Variants in PSD2 observed in about 807,000 individuals in gnomAD.
PSD2 encodes the protein PH and SEC7 domain-containing protein 2.
A neutral mutation model predicts 69.8 loss-of-function variants in PSD2; 38 were observed. The ratio of observed to expected loss-of-function variants is 0.54; its 90% confidence interval spans 0.42 to 0.71. The LOEUF (loss-of-function observed/expected upper bound fraction) is 0.71, where lower values mean the gene tolerates loss of function less well. PSD2 is among the 30% of genes least tolerant of loss of function. The pLI, the probability that PSD2 is intolerant of heterozygous loss-of-function variation, is 0.00. For missense variants in PSD2, 943 were observed against 1,014.5 expected (o/e 0.93, Z 0.96); for synonymous variants, 412 against 423.0 (o/e 0.97, Z 0.32).
intron 5 of PSD2, among the ~76,000 whole-genome samples, chr5:139,819,113 A>G (rs1424181606): frequency 6.6e-6 from 1 of 152,146 alleles, no homozygotes; most frequent in Non-Finnish European, 1.5e-5. Flanking sequence ...AAAAAATTGG[A>G]TGCTGTATAC....
At chr5:139,827,542 AAAAG>A (rs1313068158) in intron 7 of PSD2, among the ~76,000 whole-genome samples, 1 of 152,216 alleles carries the variant, frequency 6.6e-6, no homozygotes, top group Admixed American at 6.5e-5. Context: ...AACTGGATAA[AAAAG>A]AAAGAGAGGA....
At chr5:139,816,388 G>A (rs115310489) in intron 4 of PSD2, among the ~76,000 whole-genome samples, 1 of 152,122 alleles carries the variant, frequency 6.6e-6, no homozygotes, top group Non-Finnish European at 1.5e-5. Flanking sequence ...ATTGCACTTG[G>A]CCGATTGGTC....
At chr5:139,813,159 T>C (rs779866378) in intron 2 of PSD2, 150 bp from the exon 3 acceptor site, 34 of 620,176 alleles carry the variant, frequency 5.5e-5, no homozygotes, top group Non-Finnish European at 8.1e-5. Flanking sequence ...TGGCACCTTG[T>C]GCTCAGTTAG....
At chr5:139,817,902 C>T (rs954173497) in intron 5 of PSD2, among the ~76,000 whole-genome samples, 3 of 152,190 alleles carry the variant, frequency 2.0e-5, no homozygotes, top group Admixed American at 2.0e-4. Flanking sequence ...AAGGTAGGCA[C>T]TATCATTCCT....
intron 14 of PSD2, 52 bp downstream of exon 14, chr5:139,840,222 TC>T: frequency 6.3e-7 from 1 of 1,599,806 alleles, no homozygotes; most frequent in East Asian, 2.2e-5. Flanking sequence ...TCTTTCTCCT[TC>T]CTGCCTGGCC....
the PSD2 span, among the ~76,000 whole-genome samples, chr5:139,768,772 T>TA: frequency 7.7e-6 from 1 of 130,106 alleles, no homozygotes. Context: ...TGGATGGGAG[T>TA]AAAAAAGTGA....
At position 139,821,907 on chromosome 5, in the gene PSD2, C is replaced by G; in HGVS notation, c.1112C>G (p.Ala371Gly). The change falls in exon 6 of 15, where the codon GCC (alanine) becomes GGC (glycine). Residue 371 changes from alanine to glycine, a missense_variant. This residue lies in a region of PSD2 where 312 missense variants were observed against 400.7 expected (regional missense o/e 0.78). Transcript: ENST00000274710. ...LDGALRTFLK[A>G]FPLMGETQER... is the part of the protein sequence containing the mutation. The stretch of plus-strand genomic sequence containing the variant: ...TTGCCTTCCAGAACATTCTTGAAGG[C>G]CTTCCCGCTGATGGGGGAGACACAA... 1 of 1,606,382 alleles carries G rather than the reference C, an allele frequency of 6.2e-7. No individual in the cohort carries two copies. Among genetic ancestry groups the G allele is most frequent in the Non-Finnish European group, 8.5e-7 (1 of 1,175,540 alleles).
chr5:139,830,051 C>T (rs564119792), intron 7 of PSD2, among the ~76,000 whole-genome samples: 3 of 144,856 alleles, frequency 2.1e-5, no homozygotes, highest in Admixed American at 1.4e-4. Flanking sequence ...GTAGTGTGAT[C>T]TGGTATGTGT....
In PSD2 at chr5:139,837,055, C is replaced by T. The variant is rs1382000593; in HGVS notation, c.1594+54C>T. On this transcript the variant is annotated intron_variant, in intron 10 of 14. Transcript: ENST00000274710. This position sits in a 1 kb window ranked among gnomAD's most constrained non-coding sequence, Gnocchi z 5.0. ...GGAGGGAGGCTGGCACAGAGGGGGG[C>T]GCCACGGGCCACTCTTTGGGGACGA... The T allele has an allele frequency of 2.6e-5, 42 of 1,591,512 alleles. No individual in the cohort carries two copies. Among genetic ancestry groups the T allele is most frequent in the East Asian group, 6.7e-5 (3 of 44,602 alleles).
At chr5:139,754,083 G>A in the PSD2 span, among the ~76,000 whole-genome samples, 7 of 151,914 alleles carry the variant, frequency 4.6e-5, no homozygotes, top group African/African-American at 9.7e-5. Flanking sequence ...TGATCCACCC[G>A]TCTTGGCCTC....
intron 7 of PSD2, among the ~76,000 whole-genome samples, chr5:139,831,581 T>G (rs989601035): frequency 6.6e-6 from 1 of 152,216 alleles, no homozygotes; most frequent in African/African-American, 2.4e-5. Context: ...CAATTTGCAT[T>G]CTTGACTTAT....
Position 139,837,024 on chromosome 5 carries a change from G to T in PSD2, c.1594+23G>T, listed in dbSNP as rs375386215. 7 of 1,606,320 alleles carry T rather than the reference G, an allele frequency of 4.4e-6. No homozygotes were observed. Among genetic ancestry groups the T allele is most frequent in the Non-Finnish European group, 5.1e-6 (6 of 1,174,692 alleles). ...GGAGTGGGTGTCAGGCTGGGAGAGG[G>T]GCATGGGAGGGAGGCTGGCACAGAG... On this transcript the variant is annotated intron_variant, in intron 10 of 14. Transcript: ENST00000274710. This position sits in a 1 kb window ranked among gnomAD's most constrained non-coding sequence, Gnocchi z 5.0.
the PSD2 span, among the ~76,000 whole-genome samples, chr5:139,763,360 C>A: frequency 6.6e-6 from 1 of 152,212 alleles, no homozygotes; most frequent in Non-Finnish European, 1.5e-5. Flanking sequence ...TGTCTTTAAG[C>A]CCTGGCTCCC....
chr5:139,833,471 C>G (rs1760641777), intron 7 of PSD2, among the ~76,000 whole-genome samples: 1 of 152,234 alleles, frequency 6.6e-6, no homozygotes, highest in Non-Finnish European at 1.5e-5. Context: ...CCAACTCCTT[C>G]ACCTGGGCTG....
the PSD2 span, among the ~76,000 whole-genome samples, chr5:139,748,466 C>T: frequency 6.6e-6 from 1 of 152,232 alleles, no homozygotes; most frequent in Non-Finnish European, 1.5e-5. Context: ...TGCATTAGTA[C>T]ACTCCCAACC....
chr5:139,805,694 G>A (rs1759786943), intron 1 of PSD2, among the ~76,000 whole-genome samples: 1 of 152,122 alleles, frequency 6.6e-6, no homozygotes, highest in Non-Finnish European at 1.5e-5. Flanking sequence ...TAAAGATCTA[G>A]GGAAAGAGCA....
chr5:139,807,885 A>C (rs1759851822), intron 1 of PSD2, among the ~76,000 whole-genome samples: 1 of 152,202 alleles, frequency 6.6e-6, no homozygotes, highest in Admixed American at 6.5e-5. Context: ...ACAGAGGAGC[A>C]TACCCCTTCC....
At position 139,842,756 on chromosome 5, in the gene PSD2, A is replaced by C. The variant is rs1581745357; in HGVS notation, c.*282A>C. ...CAGTTGTGTGCATGCTCTAGACACC[A>C]CCTCGCTGGAGAAGCTGGAAGGGCT... On this transcript the variant is annotated 3_prime_UTR_variant, in exon 15 of 15. Transcript: ENST00000274710. 5.5e-6 allele frequency: 2 copies of C among 360,960 alleles called. No homozygotes were observed. The highest frequency in any genetic ancestry group is 1.0e-5 in the Non-Finnish European group (2 of 198,258). The allele number at this position is 360,960 out of a possible 1,614,324, so 22.4% of individuals were successfully genotyped here.
rs568195013 is a variant in PSD2 at position 139,837,948 on chromosome 5, C to G, written c.1823+166C>G. Among the ~76,000 whole-genome samples, 1 of 152,280 alleles carries G rather than the reference C, an allele frequency of 6.6e-6. No homozygotes were observed. The highest frequency in any genetic ancestry group is 2.4e-5 in the African/African-American group (1 of 41,556). ...AGCAGTGGTTCCCAATGTGTGGTTC[C>G]CCTCAGCATCATTTGCAGTCTCTCT... On this transcript the variant is annotated intron_variant, in intron 12 of 14. Coordinates refer to ENST00000274710, the MANE Select transcript of PSD2 (RefSeq NM_032289.4). This position sits in a 1 kb window ranked among gnomAD's most constrained non-coding sequence, Gnocchi z 5.0.
Sources: allele counts gnomAD v4.1 joint callset (sites outside exome capture counted in the v4.1 genomes callset), GRCh38; gene constraint gnomAD v4.1.1; regional missense constraint gnomAD v4.1.1; non-coding constraint Gnocchi (gnomAD v3.1); transcripts MANE v1.5; gene names NCBI Gene and HGNC (gene_info 2026-07-23, HGNC 2026-07-21).